Variants in COL4A5 observed in about 807,000 individuals in gnomAD.
COL4A5 encodes collagen type IV alpha 5 chain, also known as collagen alpha-5(IV) chain.
COL4A5 carries 26 observed loss-of-function variants against 130.2 expected under a neutral mutation model. The ratio of observed to expected loss-of-function variants is 0.20; its 90% CI spans 0.15 to 0.28. The LOEUF is 0.28. Among genes scored for constraint, COL4A5 ranks in the 10% least tolerant of loss-of-function variants. The pLI, the probability that COL4A5 is intolerant of heterozygous loss-of-function variation, is 1.00. For synonymous variants in COL4A5, 496 were observed against 439.6 expected, an observed-to-expected ratio of 1.13 and a Z score of -1.60; for missense variants, 1,131 against 1,344.3, an observed-to-expected ratio of 0.84 and a Z score of 2.48.
chrX:108,533,608 C>T (rs1175016404), intron 1 of COL4A5, among the ~76,000 whole-genome samples: 1 of 110,615 alleles, frequency 9.0e-6, no homozygotes, highest in African/African-American at 3.3e-5. Flanking sequence ...GGAAAACTCT[C>T]CTGGACATTG....
At chrX:108,480,151 G>A (rs1401564796) in intron 1 of COL4A5, among the ~76,000 whole-genome samples, 1 of 111,721 alleles carries the variant, frequency 9.0e-6, no homozygotes, top group Non-Finnish European at 1.9e-5. Flanking sequence ...TCGATAAATG[G>A]GCCTGAGTAA....
chrX:108,507,664 T>C (rs749393847), intron 1 of COL4A5, among the ~76,000 whole-genome samples: 2 of 110,884 alleles, frequency 1.8e-5, no homozygotes, highest in East Asian at 5.7e-4. Context: ...AAACATTAGC[T>C]GGGCATGGCA....
intron 33 of COL4A5, 96 bp downstream of exon 33, chrX:108,622,921 C>G: frequency 2.4e-6 from 2 of 831,314 alleles, no homozygotes; most frequent in Non-Finnish European, 3.4e-6. Context: ...CAGAATTCAC[C>G]AACAAAGGCA....
At chrX:108,505,181 A>G (rs2065112967) in intron 1 of COL4A5, among the ~76,000 whole-genome samples, 2 of 110,576 alleles carry the variant, frequency 1.8e-5, no homozygotes, top group African/African-American at 3.3e-5. Flanking sequence ...GAGTTAAGCT[A>G]TGGGTACAGA....
chrX:108,463,831 T>C (rs1161184945), intron 1 of COL4A5, among the ~76,000 whole-genome samples: 1 of 112,214 alleles, frequency 8.9e-6, no homozygotes, highest in African/African-American at 3.2e-5. Context: ...GAGCTTATCC[T>C]GGACACCAGA....
At chrX:108,556,945 G>C (rs1047062882) in intron 2 of COL4A5, among the ~76,000 whole-genome samples, 7 of 111,187 alleles carry the variant, frequency 6.3e-5, no homozygotes, top group African/African-American at 2.3e-4. Flanking sequence ...GTAGTGCAAG[G>C]AGATTTCAGG....
rs994834229 is a variant in COL4A5 at position 108,458,930 on chromosome X, A to C, written c.81+18724A>C. Reference sequence around the variant, plus strand: ...GGGAGGCGGAGCTTGCAGTGAGCCCAGATCGCGCCACTGCACTCCAGCCTG... The same window carrying C: ...GGGAGGCGGAGCTTGCAGTGAGCCCCGATCGCGCCACTGCACTCCAGCCTG... On this transcript the variant is annotated intron_variant, in intron 1 of 52. Transcript: ENST00000328300. Among the ~76,000 whole-genome samples, 3 of 110,025 alleles carry C rather than the reference A, an allele frequency of 2.7e-5. No homozygotes were observed. The South Asian group carries it at 1.2e-3, about 43-fold the overall frequency.
intron 44 of COL4A5, among the ~76,000 whole-genome samples, chrX:108,679,499 C>G (rs1365623218): frequency 1.8e-5 from 2 of 111,696 alleles, no homozygotes; most frequent in Non-Finnish European, 3.8e-5. Flanking sequence ...TTTCGATGCT[C>G]TCATTGTTCC....
At chrX:108,495,505 A>C (rs1222517687) in intron 1 of COL4A5, among the ~76,000 whole-genome samples, 2 of 110,315 alleles carry the variant, frequency 1.8e-5, no homozygotes, top group Admixed American at 9.7e-5. Flanking sequence ...GTTCAATAAA[A>C]CCCCCCCAAA....
intron 1 of COL4A5, among the ~76,000 whole-genome samples, chrX:108,450,832 T>C (rs1329982991): frequency 9.0e-6 from 1 of 110,786 alleles, no homozygotes; most frequent in Non-Finnish European, 1.9e-5. Context: ...CTAGTTTTTT[T>C]ATTTTTATTT....
intron 51 of COL4A5, 162 bp downstream of exon 51, chrX:108,695,083 C>A (rs889281786): frequency 3.0e-6 from 2 of 671,766 alleles, no homozygotes; most frequent in Non-Finnish European, 2.3e-6. Flanking sequence ...TTTTTTGTAA[C>A]ATATTTTCAT....
Position 108,536,259 on chromosome X carries a change from T to TTG in COL4A5, c.82-3466_82-3465dup, listed in dbSNP as rs113018683. ...GACGTCAACTTTTATCATATAGTAG[T>TTG]TGTGTGTGTGTGTGTGTGTGTGCAC... On this transcript the variant is annotated intron_variant, in intron 1 of 52. Transcript: ENST00000328300. Among the ~76,000 whole-genome samples the TTG allele has an allele frequency of 2.3e-3, 241 of 106,066 alleles. 1 individual carries two copies. The highest frequency in any genetic ancestry group is 7.3e-3 in the Admixed American group (72 of 9,884). The allele number at this position is 106,066 out of a possible 115,157, so 92.1% of individuals were successfully genotyped here.
chrX:108,694,485 T>C (rs1008944965), intron 50 of COL4A5: 5 of 280,193 alleles, frequency 1.8e-5, no homozygotes, highest in African/African-American at 8.2e-5. Context: ...ACAAGTAGTA[T>C]GTGCAATACA....
At chrX:108,556,043 C>T (rs1430624709) in intron 2 of COL4A5, among the ~76,000 whole-genome samples, 1 of 111,398 alleles carries the variant, frequency 9.0e-6, no homozygotes, top group Non-Finnish European at 1.9e-5. Flanking sequence ...AGTAGTAATT[C>T]GAGGGGAGTT....
intron 1 of COL4A5, chrX:108,443,096 T>G (rs1159733914): frequency 9.0e-6 from 1 of 111,481 alleles, no homozygotes; most frequent in Non-Finnish European, 1.9e-5. Flanking sequence ...CCACTTTTTT[T>G]GGACACAGGA....
chrX:108,547,560 A>T (rs1215678840), intron 2 of COL4A5, among the ~76,000 whole-genome samples: 1 of 111,785 alleles, frequency 8.9e-6, no homozygotes, highest in African/African-American at 3.3e-5. Context: ...GGGGTCAGGG[A>T]CCCACTTGAG....
At chrX:108,490,642 ATATT>A (rs2147545713) in intron 1 of COL4A5, among the ~76,000 whole-genome samples, 1 of 111,737 alleles carries the variant, frequency 8.9e-6, no homozygotes, top group African/African-American at 3.2e-5. Context: ...TTTTATGTAA[ATATT>A]TAAAAATTTA....
intron 1 of COL4A5, among the ~76,000 whole-genome samples, chrX:108,449,376 C>T (rs768754408): frequency 8.1e-5 from 9 of 111,777 alleles, no homozygotes; most frequent in Admixed American, 4.8e-4. Flanking sequence ...TCTAGGGAAA[C>T]GAATGTTTTG....
intron 34 of COL4A5, among the ~76,000 whole-genome samples, chrX:108,624,567 G>A (rs933080251): frequency 8.9e-6 from 1 of 112,107 alleles, no homozygotes; most frequent in Non-Finnish European, 1.9e-5. Flanking sequence ...TTCTTTTTGT[G>A]GCAGCAGGGT....
Sources: allele counts gnomAD v4.1 joint callset (sites outside exome capture counted in the v4.1 genomes callset), GRCh38; gene constraint gnomAD v4.1.1; transcripts MANE v1.5; gene names NCBI Gene and HGNC (gene_info 2026-07-23, HGNC 2026-07-21).